Variants in ATRNL1 observed in about 807,000 individuals in gnomAD.
ATRNL1 encodes attractin-like protein 1.
In ATRNL1, 95 loss-of-function variants were observed where a neutral mutation model predicts 182.7. The observed-to-expected ratio is 0.52, with a 90% CI of 0.44 to 0.62. The LOEUF is 0.62. Among genes scored for constraint, ATRNL1 ranks in the 20% least tolerant of loss-of-function variants. The probability of loss-of-function intolerance (pLI) is 0.00; values close to 1 mark genes in which losing one functional copy is unlikely to be tolerated. For missense variants in ATRNL1, 1,471 were observed against 1,679.5 expected, an observed-to-expected ratio of 0.88 and a Z score of 2.17; for synonymous variants, 576 against 568.3, an observed-to-expected ratio of 1.01 and a Z score of -0.19.
At chr10:115,613,427 G>A (rs1158556002) in intron 26 of ATRNL1, among the ~76,000 whole-genome samples, 1 of 152,054 alleles carries the variant, frequency 6.6e-6, no homozygotes, top group Non-Finnish European at 1.5e-5. Flanking sequence ...GATTCGCTTT[G>A]CTAGTATTTC....
chr10:115,848,141 C>A, intron 28 of ATRNL1, 150 bp downstream of exon 28: 1 of 601,298 alleles, frequency 1.7e-6, no homozygotes. Flanking sequence ...AACTTTTACC[C>A]AACTATCTAG....
intron 24 of ATRNL1, among the ~76,000 whole-genome samples, chr10:115,477,704 T>C (rs1236641209): frequency 6.6e-6 from 1 of 151,674 alleles, no homozygotes; most frequent in African/African-American, 2.4e-5. Flanking sequence ...CAACAAATAC[T>C]CGTTATCATG....
At chr10:115,913,487 A>G (rs932787558) in intron 28 of ATRNL1, among the ~76,000 whole-genome samples, 13 of 152,254 alleles carry the variant, frequency 8.5e-5, no homozygotes, top group Admixed American at 4.6e-4. Context: ...TTCCTCAACT[A>G]TAAAATGGGG....
chr10:115,616,243 T>A (rs1277503189), intron 26 of ATRNL1, among the ~76,000 whole-genome samples: 1 of 152,170 alleles, frequency 6.6e-6, no homozygotes, highest in Non-Finnish European at 1.5e-5. Flanking sequence ...AATGATGATT[T>A]AGGTTATCTG....
intron 27 of ATRNL1, among the ~76,000 whole-genome samples, chr10:115,752,465 T>G (rs1430427325): frequency 6.6e-6 from 1 of 152,006 alleles, no homozygotes; most frequent in African/African-American, 2.4e-5. Context: ...TTCATAGAGC[T>G]TACATGCTTA....
intron 27 of ATRNL1, among the ~76,000 whole-genome samples, chr10:115,736,516 A>G (rs1947955821): frequency 6.6e-6 from 1 of 152,112 alleles, no homozygotes; most frequent in African/African-American, 2.4e-5. Context: ...CAATATCTGA[A>G]ATCCTTGGAA....
intron 26 of ATRNL1, among the ~76,000 whole-genome samples, chr10:115,598,350 A>AAATTTATTTAT (rs1856390470): frequency 1.4e-5 from 2 of 145,788 alleles, no homozygotes; most frequent in African/African-American, 5.2e-5. Context: ...ATTTAAAAAA[A>AAATTTATTTAT]TTATTTATTT....
At chr10:115,474,689 AG>A (rs1353248242) in intron 24 of ATRNL1, among the ~76,000 whole-genome samples, 1 of 151,422 alleles carries the variant, frequency 6.6e-6, no homozygotes, top group Non-Finnish European at 1.5e-5. Flanking sequence ...GCATCCACTA[AG>A]TAAAATCAAG....
intron 8 of ATRNL1, among the ~76,000 whole-genome samples, chr10:115,212,854 A>G (rs1323751815): frequency 6.6e-6 from 1 of 151,984 alleles, no homozygotes; most frequent in Non-Finnish European, 1.5e-5. Context: ...TTGGAGGTGA[A>G]TTGTGGAAGG....
At chr10:115,790,080 AT>A (rs1190289012) in intron 27 of ATRNL1, among the ~76,000 whole-genome samples, 1 of 150,644 alleles carries the variant, frequency 6.6e-6, no homozygotes, top group Non-Finnish European at 1.5e-5. Context: ...CTATGCTTTT[AT>A]TTTTTTCAGA....
chr10:115,200,148 C>T (rs191061150), intron 8 of ATRNL1, among the ~76,000 whole-genome samples: 240 of 151,784 alleles, frequency 1.6e-3, no homozygotes, highest in African/African-American at 5.6e-3. Flanking sequence ...TATTTCATTT[C>T]TGCTGAATTT....
intron 8 of ATRNL1, among the ~76,000 whole-genome samples, chr10:115,194,521 T>G (rs782568728): frequency 7.2e-5 from 11 of 151,968 alleles, no homozygotes; most frequent in Admixed American, 1.3e-4. Context: ...CTTGCTTTTT[T>G]TTTGTTTGTT....
chr10:115,535,893 G>T (rs567368541), intron 25 of ATRNL1, among the ~76,000 whole-genome samples: 12 of 151,972 alleles, frequency 7.9e-5, no homozygotes, highest in African/African-American at 2.4e-4. Flanking sequence ...TGTTTGCCTG[G>T]GTATCAGCAG....
chr10:115,469,763 A>T (rs1291573022), intron 24 of ATRNL1, among the ~76,000 whole-genome samples: 1 of 150,626 alleles, frequency 6.6e-6, no homozygotes, highest in Non-Finnish European at 1.5e-5. Context: ...TTACCTCTTT[A>T]AGTAATTACC....
At chr10:115,272,462 T>C (rs1851908658) in intron 13 of ATRNL1, among the ~76,000 whole-genome samples, 1 of 152,178 alleles carries the variant, frequency 6.6e-6, no homozygotes. Flanking sequence ...TCCAATTCTA[T>C]GGAATCAGTG....
At chr10:115,939,286 C>G (rs1953654765) in intron 28 of ATRNL1, among the ~76,000 whole-genome samples, 1 of 152,110 alleles carries the variant, frequency 6.6e-6, no homozygotes. Context: ...CTAGGTGAAC[C>G]AGAGCAGCCA....
At chr10:115,181,866 C>G (rs1847759220) in intron 8 of ATRNL1, among the ~76,000 whole-genome samples, 1 of 151,554 alleles carries the variant, frequency 6.6e-6, no homozygotes, top group Non-Finnish European at 1.5e-5. Context: ...TTTTCATTTT[C>G]TGCCCATACT....
intron 15 of ATRNL1, 80 bp from the exon 16 acceptor site, chr10:115,299,954 A>C (rs782179185): frequency 1.0e-6 from 1 of 972,066 alleles, no homozygotes; most frequent in African/African-American, 1.6e-5. Context: ...ATTTTTAATG[A>C]TAGTGAACTA....
chr10:115,638,423 C>T (rs947739330), intron 26 of ATRNL1, among the ~76,000 whole-genome samples: 1 of 152,100 alleles, frequency 6.6e-6, no homozygotes, highest in Non-Finnish European at 1.5e-5. Context: ...GTATAGTAAG[C>T]TTGAACCTTG....
Sources: gnomAD v4.1 joint callset for allele counts (sites outside exome capture counted in the v4.1 genomes callset) on GRCh38, gnomAD v4.1.1 for gene constraint, MANE v1.5 for transcripts, NCBI Gene and HGNC (gene_info 2026-07-23, HGNC 2026-07-21) for gene names.